CCDC57: variants seen among roughly 807,000 people sequenced by gnomAD.
CCDC57 encodes the protein coiled-coil domain containing 57.
In CCDC57, 118 loss-of-function variants were observed where a neutral mutation model predicts 118.9. That is an observed-to-expected ratio of 0.99 (90% CI 0.86 to 1.16). CCDC57 has a LOEUF of 1.16. Ranked by LOEUF, CCDC57 falls within the 50% of genes most tolerant of loss-of-function variation. CCDC57 has a pLI of 0.00. For synonymous variants in CCDC57, 527 were observed against 532.9 expected (o/e 0.99, Z 0.15); for missense variants, 1,300 against 1,320.7 (o/e 0.98, Z 0.24).
chr17:82,101,520 A>G, downstream of CCDC57: 1 of 613,494 alleles, frequency 1.6e-6, no homozygotes, highest in East Asian at 2.9e-5. Flanking sequence ...GGAGGCCTTC[A>G]GTCAGCAGGG....
chr17:82,193,643 C>T (rs551011967), intron 7 of CCDC57, 113 bp downstream of exon 6: 10 of 847,318 alleles, frequency 1.2e-5, no homozygotes, highest in South Asian at 8.1e-5. Flanking sequence ...CTCCCAGGTC[C>T]GATCCCTGGA....
intron 1 of CCDC57, among the ~76,000 whole-genome samples, chr17:82,210,656 G>T (rs1319927229): frequency 6.7e-6 from 1 of 150,208 alleles, no homozygotes; most frequent in Non-Finnish European, 1.5e-5. Context: ...CTCCAGCTTG[G>T]GCGAGAGAGA....
At chr17:82,180,886 C>A (rs2046125307) in intron 9 of CCDC57, among the ~76,000 whole-genome samples, 1 of 152,340 alleles carries the variant, frequency 6.6e-6, no homozygotes, top group African/African-American at 2.4e-5. Flanking sequence ...GGACACTGGG[C>A]AGTAAATGGG....
intron 2 of CCDC57, among the ~76,000 whole-genome samples, chr17:82,203,096 C>T (rs1021458590): frequency 2.6e-5 from 4 of 152,172 alleles, no homozygotes; most frequent in Non-Finnish European, 5.9e-5. Flanking sequence ...ATCATGTGGG[C>T]GGACCCCTCG....
chr17:82,125,593 C>T (rs1159889339), intron 19 of CCDC57, among the ~76,000 whole-genome samples: 1 of 152,114 alleles, frequency 6.6e-6, no homozygotes, highest in Non-Finnish European at 1.5e-5. Flanking sequence ...CCAGGCTGGT[C>T]TTGAACTCCT....
At chr17:82,161,652 C>G (rs569768699) in intron 14 of CCDC57, among the ~76,000 whole-genome samples, 1 of 152,288 alleles carries the variant, frequency 6.6e-6, no homozygotes, top group East Asian at 1.9e-4. Flanking sequence ...AAAAGGACAA[C>G]TACCATAGGA....
chr17:82,123,029 C>T (rs1350726355), intron 19 of CCDC57, among the ~76,000 whole-genome samples: 1 of 151,722 alleles, frequency 6.6e-6, no homozygotes, highest in Non-Finnish European at 1.5e-5. Context: ...CTTCACCTTG[C>T]AAAAAAGCAG....
In CCDC57 at chr17:82,212,579, C is replaced by CCCCCG. The variant is rs1185531192; in HGVS notation, c.-211+201_-211+205dup. Among the ~76,000 whole-genome samples the CCCCCG allele has an allele frequency of 6.6e-6, 1 of 152,004 alleles. No homozygotes were observed. On this transcript the variant is annotated intron_variant, in intron 1 of 19. Coordinates refer to ENST00000665763, the Ensembl canonical transcript of CCDC57. This position sits in a 1 kb window ranked among gnomAD's most constrained non-coding sequence, Gnocchi z 4.1. ...ACGCTCCCGCTCCACGCGGCCGCAACCCCCGCCCCGCCCCGCCGCAGCCTC... is the reference window on the plus strand; with the variant it reads ...ACGCTCCCGCTCCACGCGGCCGCAACCCCCGCCCCGCCCCGCCCCGCCGCAGCCTC...
chr17:82,201,920 C>A (rs74001576), exon 3 of CCDC57: 1 of 1,601,590 alleles, frequency 6.2e-7, no homozygotes, highest in Non-Finnish European at 8.5e-7. Flanking sequence ...TCATTCAGGG[C>A]GGGCTCTGAG....
chr17:82,122,631 G>A (rs566042380), intron 19 of CCDC57, among the ~76,000 whole-genome samples: 17 of 152,184 alleles, frequency 1.1e-4, no homozygotes, highest in African/African-American at 3.4e-4. Context: ...CCTGTCTCCC[G>A]CCAGGCTTGC....
Position 82,179,206 on chromosome 17 carries a change from C to A in CCDC57, c.1212-17G>T, listed in dbSNP as rs773459614. The stretch of plus-strand genomic sequence containing the variant: ...TGCTTGTACCTAAGGACACGTCCAA[C>A]CGCTCAGCATTAATGCTTCCTGAGG... On this transcript the variant is annotated splice_polypyrimidine_tract_variant and intron_variant, in intron 9 of 19. Coordinates refer to ENST00000665763, the Ensembl canonical transcript of CCDC57. The A allele has an allele frequency of 2.5e-6, 4 of 1,609,210 alleles. No homozygotes were observed. The highest frequency in any genetic ancestry group is 3.4e-6 in the Non-Finnish European group (4 of 1,177,702).
intron 12 of CCDC57, 65 bp from the exon 12 acceptor site, chr17:82,171,918 A>G: frequency 6.4e-7 from 1 of 1,558,240 alleles, no homozygotes; most frequent in Non-Finnish European, 8.7e-7. Flanking sequence ...CCCTCCTGTG[A>G]GCACCAGCTC....
At chr17:82,151,924 A>G (rs578135064) in intron 15 of CCDC57, 151 bp from the exon 15 acceptor site, 11 of 640,376 alleles carry the variant, frequency 1.7e-5, no homozygotes, top group Non-Finnish European at 2.9e-5. Context: ...GAAAGACAAA[A>G]AGAGTCGCTG....
intron 9 of CCDC57, among the ~76,000 whole-genome samples, chr17:82,182,244 T>C (rs2046299025): frequency 6.7e-6 from 1 of 150,078 alleles, no homozygotes; most frequent in Non-Finnish European, 1.5e-5. Flanking sequence ...TTCTTGAAGA[T>C]ACATGATGTT....
rs569545785 is a variant in CCDC57 at position 82,125,076 on chromosome 17, G to A, written c.2899+2616C>T. Among the ~76,000 whole-genome samples the A allele has an allele frequency of 3.1e-4, 47 of 152,292 alleles. 1 individual carries two copies. The South Asian group carries it at 7.9e-3, about 25-fold the overall frequency. On this transcript the variant is annotated intron_variant, in intron 19 of 19. Transcript: ENST00000665763. Reference sequence around the variant, plus strand: ...GGCTGCGTGGAAGACAGAGAGAAACGCGCCACATTCGTGATGCCAGCACTG... The same window carrying A: ...GGCTGCGTGGAAGACAGAGAGAAACACGCCACATTCGTGATGCCAGCACTG...
At chr17:82,101,639 A>C in exon 20 of CCDC57, 1 of 1,479,768 alleles carries the variant, frequency 6.8e-7, no homozygotes. Context: ...CACCATGCGG[A>C]GGCCCCGAGC....
chr17:82,113,360 G>C (rs2035433216), intron 19 of CCDC57: 3 of 716,146 alleles, frequency 4.2e-6, no homozygotes, highest in African/African-American at 1.7e-5. Flanking sequence ...AATGTCACCA[G>C]CGTGACCTGC....
Position 82,118,365 on chromosome 17 carries a change from T to C in CCDC57, c.2899+9327A>G, listed in dbSNP as rs1358481331. Among the ~76,000 whole-genome samples the C allele has an allele frequency of 1.3e-5, 2 of 152,118 alleles. No individual in the cohort carries two copies. Among genetic ancestry groups the C allele is most frequent in the Non-Finnish European group, 2.9e-5 (2 of 68,018 alleles). The stretch of plus-strand genomic sequence containing the variant: ...TGAAACCCGATGTGGGTGTTATCCA[T>C]TAGCGCAGGACTGAAACCTGATGTG... On this transcript the variant is annotated intron_variant, in intron 19 of 19. Transcript: ENST00000665763. This position sits in a 1 kb window ranked among gnomAD's most constrained non-coding sequence, Gnocchi z 4.7.
At chr17:82,109,388 T>G (rs912806955) in intron 19 of CCDC57, among the ~76,000 whole-genome samples, 2 of 152,248 alleles carry the variant, frequency 1.3e-5, no homozygotes, top group African/African-American at 4.8e-5. Context: ...AATGTGTAAC[T>G]TGTAAAACAG....
Sources: gnomAD v4.1 joint callset for allele counts (sites outside exome capture counted in the v4.1 genomes callset) on GRCh38, gnomAD v4.1.1 for gene constraint, Gnocchi (gnomAD v3.1) non-coding constraint, MANE v1.5 for transcripts, NCBI Gene and HGNC (gene_info 2026-07-23, HGNC 2026-07-21) for gene names.